The following WARS1 variants were observed in gnomAD, a reference collection of about 807,000 sequenced individuals.
WARS1 encodes tryptophanyl-tRNA synthetase 1.
In WARS1, 17 loss-of-function variants were observed where a neutral mutation model predicts 47.8. The ratio of observed to expected loss-of-function variants is 0.36; its 90% CI spans 0.24 to 0.53. The LOEUF is 0.53. Ranked by LOEUF, WARS1 falls within the 20% of genes least tolerant of loss-of-function variation. WARS1 has a pLI of 0.91. For synonymous variants in WARS1, 208 were observed against 228.1 expected, an observed-to-expected ratio of 0.91 and a Z score of 0.79; for missense variants, 434 against 608.0, an observed-to-expected ratio of 0.71 and a Z score of 3.01.
At position 100,342,529 on chromosome 14, in the gene WARS1, C is replaced by G. The variant is rs761932861; in HGVS notation, c.982G>C (p.Gly328Arg). The G allele has an allele frequency of 6.2e-7, 1 of 1,613,232 alleles. No individual in the cohort carries two copies. The change falls in exon 9 of 11, where the codon GGC becomes CGC. Residue 328 changes from glycine (G) to arginine (R), a missense_variant. By Grantham distance (125) the Gly-to-Arg change is moderately radical. Around this residue, in one of 2 missense-constraint regions of WARS1, gnomAD observed 347 missense variants for 523.8 expected, o/e 0.66. Coordinates refer to ENST00000392882, the MANE Select transcript of WARS1 (RefSeq NM_004184.4). ...TGCAGCAGGGCTGGTTTAGGATAGCCGATCCTGGGGGCGACGTCCCTTGTC... is the reference window on the plus strand; with the variant it reads ...TGCAGCAGGGCTGGTTTAGGATAGCGGATCCTGGGGGCGACGTCCCTTGTC... ...RMTRDVAPRI[G>R]YPKPALLHST... is the part of the protein sequence containing the mutation.
Position 100,373,361 on chromosome 14 carries a change from T to G in WARS1, c.-74+1922A>C, listed in dbSNP as rs1423578969. 1.3e-5 allele frequency among the ~76,000 whole-genome samples: 2 copies of G among 152,180 alleles called. No individual in the cohort carries two copies. The highest frequency in any genetic ancestry group is 4.8e-5 in the African/African-American group (2 of 41,438). On this transcript the variant is annotated intron_variant, in intron 1 of 10. Transcript: ENST00000392882. This position sits in a 1 kb window ranked among gnomAD's most constrained non-coding sequence, Gnocchi z 4.4. The stretch of plus-strand genomic sequence containing the variant: ...GCCAGGCTGGTCTCTTGGGGTCTCC[T>G]CCAGGTCTCCCAACCTTAGTCTGTT...
intron 2 of WARS1, among the ~76,000 whole-genome samples, chr14:100,362,255 A>G (rs945404911): frequency 3.9e-5 from 6 of 152,230 alleles, no homozygotes; most frequent in Non-Finnish European, 8.8e-5. Context: ...TTCATATGCT[A>G]AAGATTTCTC....
chr14:100,346,686 G>A (rs1474848755), intron 7 of WARS1, 60 bp downstream of exon 7: 2 of 1,360,420 alleles, frequency 1.5e-6, no homozygotes, highest in Non-Finnish European at 2.1e-6. Context: ...GTCTCCTCCA[G>A]AACTCTGCTC....
intron 2 of WARS1, chr14:100,368,540 C>G (rs550844971): frequency 6.6e-5 from 30 of 453,802 alleles, no homozygotes; most frequent in African/African-American, 5.4e-4. Flanking sequence ...AAAAGATCGG[C>G]TAAAAGAATT....
chr14:100,353,131 A>T (rs1895098414), intron 6 of WARS1: 1 of 152,270 alleles, frequency 6.6e-6, no homozygotes, highest in Non-Finnish European at 1.5e-5. Context: ...CTGTAAATGT[A>T]ATTATGGAGA....
At chr14:100,371,194 TC>T (rs1896324722) in intron 1 of WARS1, among the ~76,000 whole-genome samples, 2 of 152,110 alleles carry the variant, frequency 1.3e-5, no homozygotes, top group South Asian at 4.1e-4. Flanking sequence ...ACGCCTATAA[TC>T]CCAGCACTTT....
chr14:100,356,355 T>C (rs1895309976), intron 4 of WARS1, among the ~76,000 whole-genome samples: 1 of 141,736 alleles, frequency 7.1e-6, no homozygotes, highest in Admixed American at 7.2e-5. Context: ...ACCAACAAAA[T>C]TAGTAAACTT....
At chr14:100,345,422 G>T (rs1447378863) in intron 7 of WARS1, among the ~76,000 whole-genome samples, 1 of 152,130 alleles carries the variant, frequency 6.6e-6, no homozygotes, top group Non-Finnish European at 1.5e-5. Context: ...TGGATTAAGG[G>T]CGGTGCAAGA....
At chr14:100,365,842 G>A in intron 2 of WARS1, 2 of 349,346 alleles carry the variant, frequency 5.7e-6, no homozygotes, top group Non-Finnish European at 1.1e-5. Context: ...GTGCCTAACA[G>A]CATGAGAGAA....
At chr14:100,343,430 T>C (rs776679648) in intron 7 of WARS1, 43 bp from the exon 8 acceptor site, 6 of 1,443,482 alleles carry the variant, frequency 4.2e-6, no homozygotes, top group Non-Finnish European at 4.8e-6. Context: ...GATGAGTTCC[T>C]GTTCTGCTTA....
At chr14:100,343,225 C>A (rs769650453) in intron 8 of WARS1, 50 bp downstream of exon 8, 8 of 1,495,532 alleles carry the variant, frequency 5.3e-6, no homozygotes, top group Middle Eastern at 1.8e-4. Flanking sequence ...TAAGAGGAAC[C>A]TGCTGTCAAT....
intron 4 of WARS1, among the ~76,000 whole-genome samples, chr14:100,355,155 G>A (rs1259745526): frequency 6.6e-6 from 1 of 152,106 alleles, no homozygotes; most frequent in Non-Finnish European, 1.5e-5. Flanking sequence ...ACAGCTGCCT[G>A]CGCCCCACCT....
intron 7 of WARS1, among the ~76,000 whole-genome samples, chr14:100,344,380 T>C (rs12896648): frequency 0.75 from 114,240 of 152,024 alleles, 43,517 homozygotes; most frequent in East Asian, 0.86. Flanking sequence ...CTGGTTCACT[T>C]AGTGCTCAAT....
intron 6 of WARS1, among the ~76,000 whole-genome samples, chr14:100,350,480 C>T (rs1403359307): frequency 6.7e-6 from 1 of 149,242 alleles, no homozygotes; most frequent in Non-Finnish European, 1.5e-5. Flanking sequence ...GCCAAAGAGA[C>T]AGCACGAGGA....
chr14:100,360,390 C>T (rs1046168766), intron 4 of WARS1, 164 bp downstream of exon 4: 2 of 462,392 alleles, frequency 4.3e-6, no homozygotes, highest in South Asian at 1.2e-4. Flanking sequence ...CAAGCATGAT[C>T]CCACAGTGGG....
chr14:100,342,581 G>A lies in WARS1; in HGVS notation c.940-10C>T, dbSNP rs368239746. ...TTCTAAAGTAAGGATCCTGTGGGGA[G>A]AGTAAGGACCCTGATGAGGGCGGCC... On this transcript the variant is annotated splice_polypyrimidine_tract_variant and intron_variant, in intron 8 of 10. Transcript: ENST00000392882. 2 of 1,605,744 alleles carry A rather than the reference G, an allele frequency of 1.2e-6. No homozygotes were observed. The highest frequency in any genetic ancestry group is 8.5e-7 in the Non-Finnish European group (1 of 1,175,506).
upstream of WARS1, chr14:100,375,395 T>C (rs1236940772): frequency 6.6e-6 from 1 of 152,260 alleles, no homozygotes; most frequent in Non-Finnish European, 1.5e-5. Flanking sequence ...CCTCTTTCTT[T>C]CAGTTTCCCT....
intron 6 of WARS1, among the ~76,000 whole-genome samples, chr14:100,348,185 CT>C (rs1157019695): frequency 6.6e-6 from 1 of 152,212 alleles, no homozygotes; most frequent in Non-Finnish European, 1.5e-5. Flanking sequence ...AAAGCCTATG[CT>C]TTTCTCACCA....
intron 1 of WARS1, among the ~76,000 whole-genome samples, chr14:100,372,068 C>A (rs114648008): frequency 0.026 from 3,924 of 152,294 alleles, 166 homozygotes; most frequent in African/African-American, 0.09. Context: ...CTTGTGACCC[C>A]TGCCACCTGC....
Sources: allele counts gnomAD v4.1 joint callset (sites outside exome capture counted in the v4.1 genomes callset), GRCh38; gene constraint gnomAD v4.1.1; regional missense constraint gnomAD v4.1.1; non-coding constraint Gnocchi (gnomAD v3.1); transcripts MANE v1.5; gene names NCBI Gene and HGNC (gene_info 2026-07-23, HGNC 2026-07-21).